FBRSL1: variants seen among roughly 807,000 people sequenced by gnomAD.
FBRSL1 encodes fibrosin-1-like protein.
In FBRSL1, 51 loss-of-function variants were observed where a neutral mutation model predicts 89.6. The observed-to-expected ratio is 0.57, with a 90% CI of 0.45 to 0.72. The LOEUF (loss-of-function observed/expected upper bound fraction) is 0.72. Ranked by LOEUF, FBRSL1 falls within the 30% of genes least tolerant of loss-of-function variation. The pLI is 0.00. For synonymous variants in FBRSL1, 779 were observed against 681.1 expected, an observed-to-expected ratio of 1.14 and a Z score of -2.24; for missense variants, 1,618 against 1,451.8, an observed-to-expected ratio of 1.11 and a Z score of -1.86.
intron 6 of FBRSL1, among the ~76,000 whole-genome samples, chr12:132,569,597 G>A (rs1240647628): frequency 6.6e-6 from 1 of 152,158 alleles, no homozygotes; most frequent in Non-Finnish European, 1.5e-5. Context: ...GTTAAATGAG[G>A]TCATAGCAGC....
Position 132,583,606 on chromosome 12 carries a change from C to A in FBRSL1, c.2837C>A (p.Thr946Asn). The change falls in exon 19 of 19, where the codon ACC becomes AAC. Residue 946 changes from threonine (T) to asparagine (N), a missense_variant. By Grantham distance (65) the Thr-to-Asn change is moderately conservative. Coordinates refer to ENST00000680143, the MANE Select transcript of FBRSL1 (RefSeq NM_001367871.1). ...AALHNGLLAR[T>N]PPAAAALGAP... ...CTGCACAATGGGCTCCTGGCGCGGA[C>A]CCCGCCCGCCGCCGCCGCCCTCGGC... 4.0e-6 allele frequency: 4 copies of A among 991,902 alleles called. No individual in the cohort carries two copies. Among genetic ancestry groups the A allele is most frequent in the Non-Finnish European group, 4.8e-6 (4 of 835,502 alleles). 61.4% of individuals were successfully genotyped at this position (991,902 alleles called of 1,614,324 possible). A position where few individuals can be genotyped will look rare whatever the true frequency, so the allele number is the denominator to read the frequency against.
chr12:132,558,334 G>A (rs1260337287), intron 5 of FBRSL1, among the ~76,000 whole-genome samples: 4 of 152,236 alleles, frequency 2.6e-5, no homozygotes, highest in Non-Finnish European at 4.4e-5. Context: ...CTGCCACAGA[G>A]CAGCCACGCC....
At chr12:132,525,696 T>G in intron 2 of FBRSL1, 38 bp from the exon 3 acceptor site, 1 of 1,504,926 alleles carries the variant, frequency 6.6e-7, no homozygotes. Flanking sequence ...CGCGGTGAGG[T>G]GGGGGTTTGC....
chr12:132,569,131 G>A (rs1009476071), intron 6 of FBRSL1, among the ~76,000 whole-genome samples: 7 of 151,510 alleles, frequency 4.6e-5, no homozygotes, highest in Non-Finnish European at 7.4e-5. Context: ...CCACCACATG[G>A]ACGCTGCCCT....
intron 18 of FBRSL1, among the ~76,000 whole-genome samples, chr12:132,582,574 G>A (rs1010800832): frequency 2.0e-5 from 3 of 151,946 alleles, no homozygotes; most frequent in African/African-American, 7.3e-5. Flanking sequence ...GGGCTAGGAA[G>A]GATGAGGAGG....
intron 5 of FBRSL1, among the ~76,000 whole-genome samples, chr12:132,555,200 C>T (rs922695416): frequency 2.0e-5 from 3 of 152,180 alleles, no homozygotes; most frequent in East Asian, 3.9e-4. Flanking sequence ...ATTTCACGAA[C>T]GTTAAACCTG....
rs1242690170 is a variant in FBRSL1, at chr12:132,583,095, C to A, written c.2326C>A (p.Arg776Ser). 2 of 1,452,710 alleles carry A rather than the reference C, an allele frequency of 1.4e-6. No homozygotes were observed. The highest frequency in any genetic ancestry group is 3.1e-5 in the East Asian group (1 of 31,934). The allele number at this position is 1,452,710 out of a possible 1,614,324, so 90.0% of individuals were successfully genotyped here. A position where few individuals can be genotyped will look rare whatever the true frequency, so the allele number is the denominator to read the frequency against. ...ELGRSGAPAE[R>S]EAEPRVKESR... Reference sequence around the variant, plus strand: ...GGGCCGGTCCGGGGCCCCCGCGGAGCGCGAGGCCGAACCTCGGGTCAAGGA... The same window carrying A: ...GGGCCGGTCCGGGGCCCCCGCGGAGAGCGAGGCCGAACCTCGGGTCAAGGA... The change falls in exon 19 of 19, where the codon CGC becomes AGC. Residue 776 changes from arginine (R) to serine (S), a missense_variant. Arg to Ser is a moderately radical substitution (Grantham distance 110). Transcript: ENST00000680143.
intron 2 of FBRSL1, among the ~76,000 whole-genome samples, chr12:132,508,840 C>T (rs1055305745): frequency 5.9e-5 from 9 of 152,210 alleles, no homozygotes; most frequent in Non-Finnish European, 1.2e-4. Context: ...TGGTCAGGTG[C>T]GTGGCCCAGC....
At chr12:132,511,376 G>A in intron 2 of FBRSL1, 2 of 985,746 alleles carry the variant, frequency 2.0e-6, no homozygotes, top group Non-Finnish European at 2.4e-6. Flanking sequence ...ACACTACAAG[G>A]CTACCCCTGG....
chr12:132,505,218 C>A (rs1374580765), intron 1 of FBRSL1, among the ~76,000 whole-genome samples: 1 of 152,224 alleles, frequency 6.6e-6, no homozygotes, highest in African/African-American at 2.4e-5. Flanking sequence ...TGGGTGAGCG[C>A]GGCCGCTGCT....
At chr12:132,552,401 A>C (rs1185683442) in intron 5 of FBRSL1, 1 of 153,924 alleles carries the variant, frequency 6.5e-6, no homozygotes, top group Admixed American at 6.6e-5. Context: ...TGCCATGGGC[A>C]CTCACCCCGT....
chr12:132,553,884 G>A (rs1480263424), intron 5 of FBRSL1: 1 of 152,252 alleles, frequency 6.6e-6, no homozygotes, highest in South Asian at 2.1e-4. Context: ...TGAAGTCAAG[G>A]TACCGACCTC....
chr12:132,494,151 T>C (rs2031601164), intron 1 of FBRSL1, among the ~76,000 whole-genome samples: 1 of 152,182 alleles, frequency 6.6e-6, no homozygotes, highest in Admixed American at 6.5e-5. Context: ...CCTGCTCTTG[T>C]TCTGACCGGG....
In FBRSL1 at chr12:132,574,541, T is replaced by C. The variant is rs2040254510; in HGVS notation, c.1678T>C (p.Tyr560His). ...AVHVQIAWQI[Y>H]RHQQKIKEMQ... ...GCACGTGCAGATCGCCTGGCAGATC[T>C]ACCGTCACCAGCAGAAGATAAAGGT... is the stretch of plus-strand genomic sequence containing the variant. Residue 560 changes from tyrosine to histidine, a missense_variant, in exon 14 of 19, where the codon TAC (tyrosine) becomes CAC (histidine). Transcript: ENST00000680143. 1.3e-6 allele frequency: 2 copies of C among 1,549,896 alleles called. No homozygotes were observed. Among genetic ancestry groups the C allele is most frequent in the African/African-American group, 1.4e-5 (1 of 72,966 alleles).
chr12:132,535,871 GGTGTGAGTGCACGTGTCCATGGT>G (rs2036675295), intron 4 of FBRSL1, among the ~76,000 whole-genome samples: 1 of 150,824 alleles, frequency 6.6e-6, no homozygotes, highest in African/African-American at 2.4e-5. Context: ...TGTCCATGAT[GGTGTGAGTGCACGTGTCCATGGT>G]GTGTGAGTGC....
At chr12:132,544,721 CGAT>C (rs1175290030) in intron 4 of FBRSL1, among the ~76,000 whole-genome samples, 4 of 151,274 alleles carry the variant, frequency 2.6e-5, no homozygotes, top group South Asian at 4.2e-4. Context: ...AGGATGGTGA[CGAT>C]GGTGATGGTG....
intron 4 of FBRSL1, among the ~76,000 whole-genome samples, chr12:132,533,456 C>T (rs1174517622): frequency 6.6e-6 from 1 of 151,864 alleles, no homozygotes; most frequent in South Asian, 2.1e-4. Context: ...AGTCTCCTCC[C>T]GACCCAGCCT....
chr12:132,495,890 G>C (rs1482999477), intron 1 of FBRSL1, among the ~76,000 whole-genome samples: 1 of 152,238 alleles, frequency 6.6e-6, no homozygotes, highest in Non-Finnish European at 1.5e-5. Flanking sequence ...GCTCTGGGAA[G>C]GGTTCCACGT....
chr12:132,520,729 T>C (rs1566134876), intron 2 of FBRSL1, among the ~76,000 whole-genome samples: 2 of 152,162 alleles, frequency 1.3e-5, no homozygotes, highest in Admixed American at 6.5e-5. Context: ...CGGGCTCTGC[T>C]CTTGCTGAAT....
Sources: gnomAD v4.1 joint callset for allele counts (sites outside exome capture counted in the v4.1 genomes callset) on GRCh38, gnomAD v4.1.1 for gene constraint, MANE v1.5 for transcripts, NCBI Gene and HGNC (gene_info 2026-07-23, HGNC 2026-07-21) for gene names.